GALNT2: variants seen among roughly 807,000 people sequenced by gnomAD.
The protein encoded by GALNT2 is polypeptide N-acetylgalactosaminyltransferase 2, also known as UDP-GalNAc:polypeptide N-acetylgalactosaminyltransferase 2.
GALNT2 carries 31 observed loss-of-function variants against 81.4 expected under a neutral mutation model. The ratio of observed to expected loss-of-function variants is 0.38; its 90% confidence interval spans 0.29 to 0.51. GALNT2 has a LOEUF of 0.51. Among genes scored for constraint, GALNT2 ranks in the 20% least tolerant of loss-of-function variants. The pLI is 0.87. For synonymous variants in GALNT2, 303 were observed against 287.4 expected, an observed-to-expected ratio of 1.05 and a Z score of -0.55; for missense variants, 629 against 765.7, an observed-to-expected ratio of 0.82 and a Z score of 2.11.
intron 1 of GALNT2, among the ~76,000 whole-genome samples, chr1:230,084,608 G>A (rs1160128278): frequency 2.6e-5 from 4 of 152,096 alleles, no homozygotes; most frequent in Non-Finnish European, 5.9e-5. Flanking sequence ...GGGCTCGGGG[G>A]AGAATGGCTG....
intron 3 of GALNT2, among the ~76,000 whole-genome samples, chr1:230,233,859 C>T (rs1664942145): frequency 6.6e-6 from 1 of 152,010 alleles, no homozygotes; most frequent in Non-Finnish European, 1.5e-5. Flanking sequence ...AGGGGAGAGG[C>T]AAGTGAGGGA....
intron 3 of GALNT2, among the ~76,000 whole-genome samples, chr1:230,203,735 A>T (rs1308631016): frequency 6.6e-6 from 1 of 152,250 alleles, no homozygotes; most frequent in Non-Finnish European, 1.5e-5. Context: ...TGAACTACCC[A>T]GCACAATAGA....
At chr1:230,120,987 T>C (rs1221234821) in intron 1 of GALNT2, among the ~76,000 whole-genome samples, 1 of 152,220 alleles carries the variant, frequency 6.6e-6, no homozygotes, top group Non-Finnish European at 1.5e-5. Context: ...CTCCTAATCT[T>C]TCTCCGGATT....
chr1:230,123,277 G>A (rs1346943268), intron 1 of GALNT2, among the ~76,000 whole-genome samples: 1 of 152,182 alleles, frequency 6.6e-6, no homozygotes, highest in Non-Finnish European at 1.5e-5. Context: ...CCAAGTGGTT[G>A]TTAGCTGTTT....
intron 3 of GALNT2, among the ~76,000 whole-genome samples, chr1:230,222,308 A>T (rs996355184): frequency 1.1e-4 from 17 of 151,766 alleles, no homozygotes; most frequent in Non-Finnish European, 2.2e-4. Flanking sequence ...TAATGCATTC[A>T]TGTCTGCCTG....
Position 230,279,514 on chromosome 1 carries a change from G to T in GALNT2, c.*56G>T. ...CCTGCACCATTGGGTGGAGTCTGGT[G>T]ATCACATTATTGATTATGTTTCTTA... On this transcript the variant is annotated 3_prime_UTR_variant, in exon 16 of 16. Transcript: ENST00000366672. This position sits in a 1 kb window ranked among gnomAD's most constrained non-coding sequence, Gnocchi z 4.6. 1.3e-6 allele frequency: 2 copies of T among 1,571,762 alleles called. No individual in the cohort carries two copies. The highest frequency in any genetic ancestry group is 1.1e-5 in the South Asian group (1 of 87,034).
chr1:230,208,455 G>A (rs944317618), intron 3 of GALNT2, among the ~76,000 whole-genome samples: 4 of 151,900 alleles, frequency 2.6e-5, no homozygotes, highest in Non-Finnish European at 5.9e-5. Flanking sequence ...CAGTGTAGGT[G>A]GACCTGTTTT....
chr1:230,238,392 T>C (rs1404404560), intron 6 of GALNT2, among the ~76,000 whole-genome samples: 1 of 152,200 alleles, frequency 6.6e-6, no homozygotes, highest in Non-Finnish European at 1.5e-5. Context: ...AAATAGAAAT[T>C]TCTGGATTTC....
At chr1:230,189,984 G>A (rs1177392583) in intron 2 of GALNT2, among the ~76,000 whole-genome samples, 8 of 152,192 alleles carry the variant, frequency 5.3e-5, no homozygotes, top group Non-Finnish European at 1.5e-5. Context: ...GTGTCTCTGT[G>A]AACCATGTGC....
At chr1:230,185,334 T>C (rs1437718196) in intron 2 of GALNT2, among the ~76,000 whole-genome samples, 2 of 151,712 alleles carry the variant, frequency 1.3e-5, no homozygotes, top group Non-Finnish European at 2.9e-5. Flanking sequence ...AACCTCTTAG[T>C]GTGCCTTGTA....
chr1:230,228,568 AAG>A (rs980594710), intron 3 of GALNT2, among the ~76,000 whole-genome samples: 2 of 152,154 alleles, frequency 1.3e-5, no homozygotes, highest in African/African-American at 4.8e-5. Flanking sequence ...CAGAAAAAAA[AAG>A]AGATTATGGA....
chr1:230,205,672 G>A (rs982884034), intron 3 of GALNT2, among the ~76,000 whole-genome samples: 21 of 152,168 alleles, frequency 1.4e-4, no homozygotes, highest in Admixed American at 4.6e-4. Context: ...TGTTGAGGCC[G>A]AAGCTGTGTG....
chr1:230,127,483 C>G (rs1182397935), intron 1 of GALNT2, among the ~76,000 whole-genome samples: 1 of 152,044 alleles, frequency 6.6e-6, no homozygotes, highest in Non-Finnish European at 1.5e-5. Context: ...TCAAGTGATT[C>G]TCCTGCCTCA....
intron 1 of GALNT2, among the ~76,000 whole-genome samples, chr1:230,093,204 A>G (rs1660146151): frequency 6.6e-6 from 1 of 152,242 alleles, no homozygotes. Flanking sequence ...CTCATTTGAT[A>G]ATACAATGAA....
intron 1 of GALNT2, among the ~76,000 whole-genome samples, chr1:230,122,282 G>A (rs1661039832): frequency 6.6e-6 from 1 of 152,130 alleles, no homozygotes; most frequent in Non-Finnish European, 1.5e-5. Context: ...TTCTTTTGTA[G>A]TTGGTTAGAA....
chr1:230,076,766 C>T (rs1174819675), intron 1 of GALNT2, among the ~76,000 whole-genome samples: 6 of 152,030 alleles, frequency 3.9e-5, no homozygotes, highest in Admixed American at 3.9e-4. Context: ...CCCATAAAAC[C>T]ATTGGGATGG....
At chr1:230,198,706 G>GCTA (rs1308993914) in intron 2 of GALNT2, among the ~76,000 whole-genome samples, 2 of 152,222 alleles carry the variant, frequency 1.3e-5, no homozygotes, top group Admixed American at 6.5e-5. Context: ...GGAATAATCA[G>GCTA]CTGTAAGCTT....
At position 230,280,311 on chromosome 1, in the gene GALNT2, G is replaced by C. The variant is rs573266951; in HGVS notation, c.*853G>C. On this transcript the variant is annotated 3_prime_UTR_variant, in exon 16 of 16. Coordinates refer to ENST00000366672, the MANE Select transcript of GALNT2 (RefSeq NM_004481.5). ...GGCCTCGGCCCCGGCATCCCTGTTG[G>C]GCGTCAGCCTGAGAGTCCCTACTGT... The C allele has an allele frequency of 2.3e-3, 696 of 298,978 alleles. 1 individual carries two copies. The highest frequency in any genetic ancestry group is 7.2e-3 in the Middle Eastern group (6 of 828). The allele number at this position is 298,978 out of a possible 1,614,324, so 18.5% of individuals were successfully genotyped here. A position where few individuals can be genotyped will look rare whatever the true frequency, so the allele number is the denominator to read the frequency against.
chr1:230,233,594 CAA>C (rs1171160894), intron 3 of GALNT2, among the ~76,000 whole-genome samples: 6 of 151,860 alleles, frequency 4.0e-5, no homozygotes, highest in Admixed American at 1.3e-4. Context: ...GCCTGGGTGA[CAA>C]GAGCAAGACT....
Sources: allele counts gnomAD v4.1 joint callset (sites outside exome capture counted in the v4.1 genomes callset), GRCh38; gene constraint gnomAD v4.1.1; non-coding constraint Gnocchi (gnomAD v3.1); transcripts MANE v1.5; gene names NCBI Gene and HGNC (gene_info 2026-07-23, HGNC 2026-07-21).